The following ATP6V1C1 variants were observed in gnomAD, a reference collection of about 807,000 sequenced individuals.
ATP6V1C1 encodes V-type proton ATPase subunit C 1.
A neutral mutation model predicts 53.9 loss-of-function variants in ATP6V1C1; 45 were observed. The observed-to-expected ratio is 0.83, with a 90% confidence interval of 0.66 to 1.07. ATP6V1C1 has a LOEUF of 1.07. Ranked by LOEUF, ATP6V1C1 falls within the 50% of genes least tolerant of loss-of-function variation. ATP6V1C1 has a pLI of 0.00. For missense variants in ATP6V1C1, 315 were observed against 440.3 expected, an observed-to-expected ratio of 0.72 and a Z score of 2.55; for synonymous variants, 153 against 155.2, an observed-to-expected ratio of 0.99 and a Z score of 0.11.
intron 5 of ATP6V1C1, among the ~76,000 whole-genome samples, chr8:103,051,661 C>T (rs1445993838): frequency 6.6e-6 from 1 of 152,060 alleles, no homozygotes; most frequent in Non-Finnish European, 1.5e-5. Flanking sequence ...GACCTTGAAG[C>T]CGATGCATGA....
At position 103,061,293 on chromosome 8, in the gene ATP6V1C1, A is replaced by G. The variant is rs78969119; in HGVS notation, c.642-1662A>G. Among the ~76,000 whole-genome samples the G allele has an allele frequency of 3.9e-4, 60 of 152,326 alleles. 1 individual carries two copies. In the East Asian group the frequency reaches 7.9e-3, roughly 20 times the overall value. On this transcript the variant is annotated intron_variant, in intron 8 of 12. Transcript: ENST00000518738. ...TCCTGGAGGTGTCTGCTGGTCATAC[A>G]CTAGGGAGGTGCCCCTGCTGGCTGG...
intron 4 of ATP6V1C1, 58 bp downstream of exon 4, chr8:103,049,013 A>G: frequency 6.7e-7 from 1 of 1,488,478 alleles, no homozygotes. Flanking sequence ...TAACTAAGCT[A>G]CAGAAACAAA....
chr8:103,046,553 A>G (rs1278573590), intron 3 of ATP6V1C1, among the ~76,000 whole-genome samples: 1 of 152,122 alleles, frequency 6.6e-6, no homozygotes, highest in East Asian at 1.9e-4. Flanking sequence ...AGTATTAAGG[A>G]CAAATGTAGT....
At chr8:103,064,502 CTGTT>C (rs1817455596) in intron 10 of ATP6V1C1, 1 of 382,814 alleles carries the variant, frequency 2.6e-6, no homozygotes, top group Admixed American at 4.2e-5. Context: ...ATTTTAGTGT[CTGTT>C]GAGATCTCTC....
At chr8:103,021,930 G>A (rs1816602984) in intron 1 of ATP6V1C1, among the ~76,000 whole-genome samples, 1 of 152,156 alleles carries the variant, frequency 6.6e-6, no homozygotes, top group Admixed American at 6.5e-5. Context: ...GAAAATTCTG[G>A]TATGTTAGGG....
At chr8:103,063,601 C>T (rs1464620020) in intron 10 of ATP6V1C1, among the ~76,000 whole-genome samples, 1 of 152,082 alleles carries the variant, frequency 6.6e-6, no homozygotes. Flanking sequence ...AGTTAAGTAA[C>T]GAAGTTCTTT....
intron 3 of ATP6V1C1, among the ~76,000 whole-genome samples, chr8:103,045,935 C>T (rs189959587): frequency 1.3e-4 from 20 of 148,306 alleles, no homozygotes; most frequent in Admixed American, 7.4e-4. Context: ...AGCGTGACTC[C>T]GTTTCAAAAA....
At chr8:103,047,196 C>T (rs1040886753) in intron 3 of ATP6V1C1, among the ~76,000 whole-genome samples, 1 of 152,070 alleles carries the variant, frequency 6.6e-6, no homozygotes, top group Non-Finnish European at 1.5e-5. Flanking sequence ...ATAGGATTGT[C>T]ATTTAAATTT....
intron 8 of ATP6V1C1, among the ~76,000 whole-genome samples, chr8:103,059,450 G>T (rs1467375971): frequency 6.6e-6 from 1 of 151,978 alleles, no homozygotes. Context: ...AGCAACATCT[G>T]CCCAGTGATC....
At chr8:103,040,134 T>A (rs893233414) in intron 1 of ATP6V1C1, among the ~76,000 whole-genome samples, 4 of 152,188 alleles carry the variant, frequency 2.6e-5, no homozygotes, top group South Asian at 2.1e-4. Context: ...TTTCTTTTTT[T>A]AAATTTCCTA....
chr8:103,062,007 T>C (rs898851421), intron 8 of ATP6V1C1, among the ~76,000 whole-genome samples: 1 of 152,104 alleles, frequency 6.6e-6, no homozygotes, highest in East Asian at 1.9e-4. Flanking sequence ...TACCTGGCAG[T>C]TGTGTCTGGA....
intron 3 of ATP6V1C1, 33 bp from the exon 4 acceptor site, chr8:103,048,837 T>C: frequency 6.4e-7 from 1 of 1,567,214 alleles, no homozygotes; most frequent in Non-Finnish European, 8.8e-7. Context: ...ATCTTTTTCC[T>C]GAGAATGGTT....
chr8:103,056,042 C>A, intron 8 of ATP6V1C1, 106 bp downstream of exon 8: 1 of 1,073,976 alleles, frequency 9.3e-7, no homozygotes, highest in Non-Finnish European at 1.4e-6. Context: ...GATAAATTAA[C>A]CTCATGAGTG....
intron 1 of ATP6V1C1, among the ~76,000 whole-genome samples, chr8:103,029,042 C>T (rs1385765414): frequency 6.6e-6 from 1 of 151,534 alleles, no homozygotes; most frequent in African/African-American, 2.4e-5. Context: ...AAAAAATATA[C>T]AGAAAGGATG....
At chr8:103,052,480 ATATAAT>A (rs1360876137) in intron 5 of ATP6V1C1, among the ~76,000 whole-genome samples, 1 of 152,074 alleles carries the variant, frequency 6.6e-6, no homozygotes, top group Non-Finnish European at 1.5e-5. Context: ...TTAAGAAGTA[ATATAAT>A]TAAAATACAT....
chr8:103,059,409 C>T (rs1320916338), intron 8 of ATP6V1C1, among the ~76,000 whole-genome samples: 1 of 152,130 alleles, frequency 6.6e-6, no homozygotes, highest in Admixed American at 6.6e-5. Flanking sequence ...ATCTCAGACT[C>T]AAACTCTCTA....
At chr8:103,062,176 T>TG (rs1256171695) in intron 8 of ATP6V1C1, among the ~76,000 whole-genome samples, 2 of 134,442 alleles carry the variant, frequency 1.5e-5, no homozygotes, top group Non-Finnish European at 3.2e-5. Context: ...TTTTTTTTTT[T>TG]TTTTTTTTTT....
chr8:103,047,456 A>ACC (rs1817123661), intron 3 of ATP6V1C1, among the ~76,000 whole-genome samples: 1 of 115,498 alleles, frequency 8.7e-6, no homozygotes, highest in Non-Finnish European at 1.8e-5. Context: ...ACACACACAC[A>ACC]CACACACATT....
chr8:103,047,672 G>A (rs138508395), intron 3 of ATP6V1C1, among the ~76,000 whole-genome samples: 6 of 152,050 alleles, frequency 3.9e-5, no homozygotes, highest in Admixed American at 6.5e-5. Flanking sequence ...CCTACTTCTC[G>A]GCCTGCTGCT....
Sources: gnomAD v4.1 joint callset for allele counts (sites outside exome capture counted in the v4.1 genomes callset) on GRCh38, gnomAD v4.1.1 for gene constraint, MANE v1.5 for transcripts, NCBI Gene and HGNC (gene_info 2026-07-23, HGNC 2026-07-21) for gene names.